ABLIM3: variants seen among roughly 807,000 people sequenced by gnomAD.
ABLIM3 encodes the protein actin-binding LIM protein 3.
In ABLIM3, 61 loss-of-function variants were observed where a neutral mutation model predicts 109.5. That is an observed-to-expected ratio of 0.56 (90% CI 0.45 to 0.69). The LOEUF (loss-of-function observed/expected upper bound fraction) is 0.69, where lower values mean the gene tolerates loss of function less well. Among genes scored for constraint, ABLIM3 ranks in the 30% least tolerant of loss-of-function variants. The pLI is 0.00. For missense variants in ABLIM3, 796 were observed against 889.5 expected, an observed-to-expected ratio of 0.89 and a Z score of 1.34; for synonymous variants, 300 against 324.8, an observed-to-expected ratio of 0.92 and a Z score of 0.82.
intron 8 of ABLIM3, chr5:149,217,339 G>T (rs1362562213): frequency 8.8e-6 from 4 of 453,244 alleles, no homozygotes; most frequent in South Asian, 5.0e-5. Flanking sequence ...CTCTGCCTTG[G>T]GGGTGGGAAG....
At chr5:149,239,186 C>T (rs59032271) in intron 11 of ABLIM3, 62 bp from the exon 12 acceptor site, 695,041 of 1,563,616 alleles carry the variant, frequency 0.44, 157,534 homozygotes, top group East Asian at 0.57. Context: ...TGTCCTTCGT[C>T]TCGTCCTCCT....
chr5:149,211,704 T>C (rs1759573822), intron 7 of ABLIM3, among the ~76,000 whole-genome samples: 1 of 151,570 alleles, frequency 6.6e-6, no homozygotes, highest in African/African-American at 2.4e-5. Context: ...TGAGAACAAG[T>C]CTGCAGCCAC....
chr5:149,240,662 C>A lies in ABLIM3; in HGVS notation c.1205-14C>A, dbSNP rs1020395128. 2 of 1,610,320 alleles carry A rather than the reference C, an allele frequency of 1.2e-6. No homozygotes were observed. The highest frequency in any genetic ancestry group is 1.7e-6 in the Non-Finnish European group (2 of 1,176,962). On this transcript the variant is annotated splice_polypyrimidine_tract_variant and intron_variant, in intron 13 of 23. Coordinates refer to ENST00000309868, the MANE Select transcript of ABLIM3 (RefSeq NM_014945.5). Reference sequence around the variant, plus strand: ...CCTCTGTTTTCTTTGGCGACCACTTCCTGCGTGCTCCAGGGCCCGAGAGTG... The same window carrying A: ...CCTCTGTTTTCTTTGGCGACCACTTACTGCGTGCTCCAGGGCCCGAGAGTG...
In ABLIM3 at chr5:149,247,784, C is replaced by T. The variant is rs751186385; in HGVS notation, c.1554C>T (p.Leu518=). ...EDDFDRSMHK[L]QSGIGRLILK... Reference sequence around the variant, plus strand: ...TCTTGCTCTTCCCCGACCCTCAGCTCCAAAGTGGAATTGGCCGGCTGATTC... The same window carrying T: ...TCTTGCTCTTCCCCGACCCTCAGCTTCAAAGTGGAATTGGCCGGCTGATTC... Residue 518 remains leucine (L), a splice_region_variant and synonymous_variant, in exon 18 of 24, where the codon CTC becomes CTT. Coordinates refer to ENST00000309868, the MANE Select transcript of ABLIM3 (RefSeq NM_014945.5). 1 of 1,614,228 alleles carries T rather than the reference C, an allele frequency of 6.2e-7. No individual in the cohort carries two copies. Among genetic ancestry groups the T allele is most frequent in the Non-Finnish European group, 8.5e-7 (1 of 1,180,044 alleles).
intron 8 of ABLIM3, chr5:149,217,383 T>C: frequency 3.0e-6 from 1 of 331,538 alleles, no homozygotes; most frequent in South Asian, 4.2e-5. Context: ...TCAGAGAACC[T>C]CAGAGGGATG....
intron 2 of ABLIM3, among the ~76,000 whole-genome samples, chr5:149,162,478 A>G (rs1754461236): frequency 6.6e-6 from 1 of 152,188 alleles, no homozygotes; most frequent in Non-Finnish European, 1.5e-5. Context: ...ATCAAAAGAG[A>G]CACAGAATAG....
At chr5:149,192,499 G>A (rs981202786) in intron 3 of ABLIM3, among the ~76,000 whole-genome samples, 12 of 151,724 alleles carry the variant, frequency 7.9e-5, no homozygotes, top group African/African-American at 2.7e-4. Flanking sequence ...CCTACGGGGC[G>A]CCTGTAGTCC....
chr5:149,149,338 G>T (rs947315148), intron 2 of ABLIM3, among the ~76,000 whole-genome samples: 1 of 152,230 alleles, frequency 6.6e-6, no homozygotes, highest in African/African-American at 2.4e-5. Flanking sequence ...CAGGCATTGG[G>T]TCTCAGTGAA....
At chr5:149,147,846 C>A (rs1187999722) in intron 2 of ABLIM3, among the ~76,000 whole-genome samples, 1 of 152,096 alleles carries the variant, frequency 6.6e-6, no homozygotes, top group South Asian at 2.1e-4. Context: ...GAATGGAAAC[C>A]AAATGTTAAT....
intron 8 of ABLIM3, among the ~76,000 whole-genome samples, chr5:149,224,893 A>G (rs2918272): frequency 0.5 from 75,584 of 152,036 alleles, 19,456 homozygotes; most frequent in East Asian, 0.62. Context: ...CAGCTAGTAA[A>G]TGATGTAGCC....
At position 149,259,613 on chromosome 5, in the gene ABLIM3, C is replaced by A. The variant is rs1423971221; in HGVS notation, c.*1209C>A. ...AAGTGTTGGCCAACACCGCTCATGG[C>A]CATCCTGGATTTTCCCAGTGGCTTC... On this transcript the variant is annotated 3_prime_UTR_variant, in exon 24 of 24. Transcript: ENST00000309868. The A allele has an allele frequency of 1.3e-6, 2 of 1,531,978 alleles. No individual in the cohort carries two copies. Among genetic ancestry groups the A allele is most frequent in the South Asian group, 2.4e-5 (2 of 83,994 alleles). 94.9% of individuals were successfully genotyped at this position (1,531,978 alleles called of 1,614,324 possible). A position where few individuals can be genotyped will look rare whatever the true frequency, so the allele number is the denominator to read the frequency against.
chr5:149,225,851 C>T (rs1004194228), intron 8 of ABLIM3, among the ~76,000 whole-genome samples: 3 of 151,080 alleles, frequency 2.0e-5, no homozygotes, highest in Admixed American at 6.6e-5. Context: ...TAATGGCCTC[C>T]AATTTCATCT....
At chr5:149,217,220 G>C (rs954892779) in intron 8 of ABLIM3, 174 bp downstream of exon 8, 4 of 645,024 alleles carry the variant, frequency 6.2e-6, no homozygotes, top group Non-Finnish European at 8.3e-6. Flanking sequence ...GAAGGTTGCC[G>C]GTGTGGCTAA....
intron 19 of ABLIM3, 51 bp downstream of exon 19, chr5:149,249,895 A>G (rs1294807742): frequency 1.3e-6 from 2 of 1,598,120 alleles, no homozygotes; most frequent in African/African-American, 1.3e-5. Flanking sequence ...TGAGGGACAG[A>G]GCTGTGTCAG....
chr5:149,143,161 G>A (rs1360558130), intron 2 of ABLIM3, among the ~76,000 whole-genome samples: 12 of 151,896 alleles, frequency 7.9e-5, no homozygotes, highest in African/African-American at 2.4e-4. Context: ...TCAGGAGTTC[G>A]AGACCAGCCT....
At chr5:149,149,103 A>G (rs779835967) in intron 2 of ABLIM3, among the ~76,000 whole-genome samples, 1 of 152,178 alleles carries the variant, frequency 6.6e-6, no homozygotes, top group Non-Finnish European at 1.5e-5. Context: ...AACTCCCACA[A>G]AGATGTCATG....
At chr5:149,183,732 T>C in intron 3 of ABLIM3, 143 bp downstream of exon 3, 1 of 993,408 alleles carries the variant, frequency 1.0e-6, no homozygotes, top group South Asian at 3.2e-5. Context: ...GAGCCTCTTC[T>C]TATGAGATTC....
intron 16 of ABLIM3, among the ~76,000 whole-genome samples, chr5:149,246,038 C>T: frequency 6.6e-6 from 1 of 152,170 alleles, no homozygotes; most frequent in Non-Finnish European, 1.5e-5. Flanking sequence ...TAGTGTATGC[C>T]TGTAGTCCCA....
intron 5 of ABLIM3, among the ~76,000 whole-genome samples, chr5:149,206,082 G>T (rs924339149): frequency 1.3e-5 from 2 of 152,198 alleles, no homozygotes; most frequent in African/African-American, 4.8e-5. Flanking sequence ...CCTTTCCTCC[G>T]CCAAAGTGGG....
Sources: gnomAD v4.1 joint callset for allele counts (sites outside exome capture counted in the v4.1 genomes callset) on GRCh38, gnomAD v4.1.1 for gene constraint, MANE v1.5 for transcripts, NCBI Gene and HGNC (gene_info 2026-07-23, HGNC 2026-07-21) for gene names.